ZNF534: variants seen among roughly 807,000 people sequenced by gnomAD.
ZNF534 encodes zinc finger protein 534.
Under a neutral mutation model 13.6 loss-of-function variants are expected in ZNF534, and 19 were observed. That is an observed-to-expected ratio of 1.40 (90% CI 0.97 to 2.05). The LOEUF is 2.05. ZNF534 is among the 30% of genes most tolerant of loss of function. The pLI, the probability that ZNF534 is intolerant of heterozygous loss-of-function variation, is 0.00. For missense variants in ZNF534, 782 were observed against 796.3 expected, an observed-to-expected ratio of 0.98 and a Z score of 0.22; for synonymous variants, 244 against 273.8, an observed-to-expected ratio of 0.89 and a Z score of 1.07.
downstream of ZNF534, among the ~76,000 whole-genome samples, chr19:52,445,740 AGCAAAAAT>A (rs1406577285): frequency 7.5e-5 from 1 of 13,384 alleles, no homozygotes; most frequent in African/African-American, 2.8e-4. Context: ...GTCATTCTGG[AGCAAAAAT>A]TCATGATGCA....
chr19:52,436,897 T>TTTTA (rs1376906618), intron 4 of ZNF534, among the ~76,000 whole-genome samples: 1 of 152,122 alleles, frequency 6.6e-6, no homozygotes, highest in South Asian at 2.1e-4. Flanking sequence ...GTGTCTGGAG[T>TTTTA]TTTATTTATT....
rs528793260 is a variant in ZNF534 at position 52,431,296 on chromosome 19, G to C, written c.-67-112G>C. On this transcript the variant is annotated intron_variant, in intron 1 of 4. Coordinates refer to ENST00000433050, the MANE Select transcript of ZNF534 (RefSeq NM_001143938.3). The stretch of plus-strand genomic sequence containing the variant: ...TTTTCCTGTGGGAGATCAACAGTAG[G>C]CAGCAGAGGACCATCCTTCCAGAAG... 7.7e-4 allele frequency: 584 copies of C among 755,470 alleles called. 1 individual carries two copies. The highest frequency in any genetic ancestry group is 2.0e-3 in the South Asian group (112 of 54,974). 46.8% of individuals were successfully genotyped at this position (755,470 alleles called of 1,614,324 possible).
intron 1 of ZNF534, among the ~76,000 whole-genome samples, chr19:52,430,746 C>T (rs2059081636): frequency 6.6e-6 from 1 of 151,892 alleles, no homozygotes; most frequent in African/African-American, 2.4e-5. Context: ...CGGGGTTTCA[C>T]CATCTTGGCC....
At chr19:52,429,812 C>T (rs1431429242) in intron 1 of ZNF534, among the ~76,000 whole-genome samples, 1 of 151,932 alleles carries the variant, frequency 6.6e-6, no homozygotes, top group Non-Finnish European at 1.5e-5. Context: ...CCAGGCTGGT[C>T]TCGAACTCCT....
At position 52,438,216 on chromosome 19, in the gene ZNF534, T is replaced by C. The variant is rs750652756; in HGVS notation, c.756T>C (p.Asn252=). The C allele has an allele frequency of 1.9e-6, 3 of 1,613,962 alleles. No homozygotes were observed. The highest frequency in any genetic ancestry group is 1.1e-5 in the South Asian group (1 of 91,066). The change falls in exon 5 of 5, where the codon AAT becomes AAC. Residue 252 remains asparagine, a synonymous_variant. Transcript: ENST00000433050. The stretch of plus-strand genomic sequence containing the variant: ...ATAATGAATGTGGCAAAGTCTTCAA[T>C]CAGAATTCACACCTTGCACAACATC... The part of the protein sequence containing the change: ...YKYNECGKVF[N]QNSHLAQHQK...
In ZNF534 at chr19:52,439,334, G is replaced by C. The variant is rs1298774238; in HGVS notation, c.1874G>C (p.Arg625Thr). The C allele has an allele frequency of 6.4e-7, 1 of 1,553,806 alleles. No homozygotes were observed. ...CGGAATTCACGCCTTGCACAACATA[G>C]GAATATTCATACTGGAGTGAAGCCT... is the stretch of plus-strand genomic sequence containing the variant. ...FSRNSRLAQH[R>T]NIHTGVKPYS... is the part of the protein sequence containing the mutation. The change falls in exon 5 of 5, where the codon AGG (arginine) becomes ACG (threonine). Residue 625 changes from arginine to threonine, a missense_variant. This residue lies in a region of ZNF534 where 60 missense variants were observed against 59.9 expected (regional missense o/e 1.00). Coordinates refer to ENST00000433050, the MANE Select transcript of ZNF534 (RefSeq NM_001143938.3).
At chr19:52,450,019 T>TA (rs552811699) in intron 4 of ZNF534, among the ~76,000 whole-genome samples, 27 of 148,860 alleles carry the variant, frequency 1.8e-4, no homozygotes, top group African/African-American at 2.7e-4. Flanking sequence ...AGACTCCGTC[T>TA]AAAAAAAAAA....
At chr19:52,450,011 A>G (rs1489309135) in intron 4 of ZNF534, among the ~76,000 whole-genome samples, 1 of 151,328 alleles carries the variant, frequency 6.6e-6, no homozygotes, top group Non-Finnish European at 1.5e-5. Context: ...ACAGAGTGAG[A>G]CTCCGTCTAA....
rs757532473 is a variant in ZNF534, at chr19:52,438,186, C to T, written c.726C>T (p.Tyr242=). The change falls in exon 5 of 5, where the codon TAC becomes TAT. Residue 242 remains tyrosine (Y), a synonymous_variant. Transcript: ENST00000433050. ...HQRIHTGEKP[Y]KYNECGKVFN... is the part of the protein sequence containing the mutation. Reference sequence around the variant, plus strand: ...GAATCCATACTGGAGAGAAGCCTTACAAATATAATGAATGTGGCAAAGTCT... The same window carrying T: ...GAATCCATACTGGAGAGAAGCCTTATAAATATAATGAATGTGGCAAAGTCT... The T allele has an allele frequency of 9.9e-6, 16 of 1,614,128 alleles. No individual in the cohort carries two copies. In the East Asian group the frequency reaches 3.3e-4, roughly 34 times the overall value.
chr19:52,452,149 T>C (rs1234651398), exon 5 of ZNF534: 1 of 162,508 alleles, frequency 6.2e-6, no homozygotes, highest in Non-Finnish European at 1.3e-5. Context: ...ACTTTGTTTT[T>C]CTGCAGTTGA....
chr19:52,451,941 T>C, exon 5 of ZNF534: 1 of 416,704 alleles, frequency 2.4e-6, no homozygotes, highest in Non-Finnish European at 4.7e-6. Context: ...CGGAAAGAAT[T>C]AAAATTTATG....
intron 1 of ZNF534, among the ~76,000 whole-genome samples, chr19:52,430,997 C>T (rs1450635295): frequency 2.0e-5 from 3 of 152,040 alleles, no homozygotes; most frequent in Admixed American, 6.6e-5. Context: ...ATTACAGGCC[C>T]GTGTCACCAC....
downstream of ZNF534, among the ~76,000 whole-genome samples, chr19:52,445,257 T>A (rs112959002): frequency 1.1e-4 from 17 of 151,732 alleles, 1 homozygote; most frequent in African/African-American, 4.1e-4. Flanking sequence ...AGTGCAGTGG[T>A]GCAGTCTCCG....
At chr19:52,430,315 C>T (rs574177311) in intron 1 of ZNF534, among the ~76,000 whole-genome samples, 1 of 152,108 alleles carries the variant, frequency 6.6e-6, no homozygotes, top group East Asian at 1.9e-4. Flanking sequence ...TGCGCCCGGC[C>T]TTGATGCTGA....
At chr19:52,435,442 G>C (rs916954246) in intron 4 of ZNF534, among the ~76,000 whole-genome samples, 1 of 152,112 alleles carries the variant, frequency 6.6e-6, no homozygotes, top group Non-Finnish European at 1.5e-5. Context: ...CTCTGCAAGT[G>C]GGTGAATTCT....
At chr19:52,443,251 G>A (rs183566471), downstream of ZNF534, among the ~76,000 whole-genome samples, 9 of 152,212 alleles carry the variant, frequency 5.9e-5, no homozygotes, top group Admixed American at 3.3e-4. Flanking sequence ...ATCTTTTTGC[G>A]ATGAATTTCT....
At position 52,438,835 on chromosome 19, in the gene ZNF534, A is replaced by G; in HGVS notation, c.1375A>G (p.Ile459Val). ...GTCTTCCCTAACCTATCACTGTAGA[A>G]TTCATACTGGAGAGAAGCCTTACAA... is the stretch of plus-strand genomic sequence containing the variant. Reference protein sequence around the residue: ...HKSSLTYHCRIHTGEKPYKCN... With the variant: ...HKSSLTYHCRVHTGEKPYKCN... Residue 459 changes from isoleucine (I) to valine (V), a missense_variant, in exon 5 of 5, where the codon ATT (isoleucine) becomes GTT (valine). Ile to Val is a conservative substitution (Grantham distance 29, BLOSUM62 3). Transcript: ENST00000433050. 1 of 1,612,032 alleles carries G rather than the reference A, an allele frequency of 6.2e-7. No homozygotes were observed.
chr19:52,437,053 G>T (rs186248542), intron 4 of ZNF534, among the ~76,000 whole-genome samples: 99 of 152,198 alleles, frequency 6.5e-4, no homozygotes, highest in African/African-American at 2.2e-3. Flanking sequence ...CTGTAAGGGT[G>T]TGGGAACACT....
chr19:52,441,325 G>C lies in ZNF534; in HGVS notation c.*1879G>C, dbSNP rs1400893798. ...AACCCAGGAGTTTGAGACCAACCTG[G>C]GTAACATAAGGACAACTCCATCTCT... On this transcript the variant is annotated 3_prime_UTR_variant, in exon 5 of 5. Coordinates refer to ENST00000433050, the MANE Select transcript of ZNF534 (RefSeq NM_001143938.3). 6.6e-6 allele frequency among the ~76,000 whole-genome samples: 1 copy of C among 152,140 alleles called. No individual in the cohort carries two copies. Among genetic ancestry groups the C allele is most frequent in the African/African-American group, 2.4e-5 (1 of 41,432 alleles).
Sources: allele counts gnomAD v4.1 joint callset (sites outside exome capture counted in the v4.1 genomes callset), GRCh38; gene constraint gnomAD v4.1.1; regional missense constraint gnomAD v4.1.1; transcripts MANE v1.5; gene names NCBI Gene and HGNC (gene_info 2026-07-23, HGNC 2026-07-21).